CES5A: variants seen among roughly 807,000 people sequenced by gnomAD.
CES5A encodes the protein carboxylesterase 5A.
In CES5A, 67 loss-of-function variants were observed where a neutral mutation model predicts 62.9. The observed-to-expected ratio is 1.07, with a 90% CI of 0.88 to 1.31. The LOEUF is 1.31. Among genes scored for constraint, CES5A ranks in the 50% most tolerant of loss-of-function variants. The pLI is 0.00. For missense variants in CES5A, 748 were observed against 708.5 expected, an observed-to-expected ratio of 1.06 and a Z score of -0.63; for synonymous variants, 296 against 280.8, an observed-to-expected ratio of 1.05 and a Z score of -0.54.
intron 2 of CES5A, among the ~76,000 whole-genome samples, chr16:55,933,656 A>G (rs2034336709): frequency 6.6e-6 from 1 of 152,132 alleles, no homozygotes; most frequent in African/African-American, 2.4e-5. Flanking sequence ...ATACATATAC[A>G]TGACACATAT....
intron 1 of CES5A, among the ~76,000 whole-genome samples, chr16:55,886,398 T>G (rs144677779): frequency 6.6e-6 from 1 of 152,304 alleles, no homozygotes; most frequent in African/African-American, 2.4e-5. Flanking sequence ...TGGGACAGTG[T>G]GTAGATCTTT....
At chr16:55,868,171 G>A (rs190886540) in intron 4 of CES5A, among the ~76,000 whole-genome samples, 3 of 152,288 alleles carry the variant, frequency 2.0e-5, no homozygotes, top group Non-Finnish European at 4.4e-5. Context: ...ATCAAAACCA[G>A]ATACGATAAG....
intron 2 of CES5A, among the ~76,000 whole-genome samples, chr16:55,946,298 A>G (rs1219333663): frequency 6.6e-6 from 1 of 151,978 alleles, no homozygotes; most frequent in East Asian, 1.9e-4. Context: ...TGTAGGTCAA[A>G]CCACATTTCA....
In CES5A at chr16:55,849,679, A is replaced by G; in HGVS notation, c.1368T>C (p.Asp456=). 1.2e-6 allele frequency: 2 copies of G among 1,614,028 alleles called. No homozygotes were observed. The highest frequency in any genetic ancestry group is 2.2e-5 in the South Asian group (2 of 91,080). The change falls in exon 11 of 13, where the codon GAT becomes GAC. Residue 456 remains aspartate (D), a synonymous_variant. Transcript: ENST00000290567. ...CACCACCGAACACAAAGCGGACTTC[A>G]TCAGCGTGGTCGGCTTTGACAAAAG... The part of the protein sequence containing the change: ...KPAFVKADHA[D]EVRFVFGGAF...
At chr16:55,900,382 T>C (rs1381099213) in intron 1 of CES5A, among the ~76,000 whole-genome samples, 9 of 152,132 alleles carry the variant, frequency 5.9e-5, no homozygotes, top group African/African-American at 2.2e-4. Flanking sequence ...CACACAACAT[T>C]GATCAAGACA....
intron 2 of CES5A, among the ~76,000 whole-genome samples, chr16:55,934,841 G>C (rs1164974822): frequency 2.0e-5 from 3 of 152,202 alleles, no homozygotes; most frequent in African/African-American, 4.8e-5. Flanking sequence ...CTAAGCGCAG[G>C]GCCTGAGACG....
chr16:55,902,758 G>A (rs1432138160), intron 1 of CES5A, among the ~76,000 whole-genome samples: 1 of 152,104 alleles, frequency 6.6e-6, no homozygotes, highest in African/African-American at 2.4e-5. Flanking sequence ...GAAGACATGG[G>A]GGGCATCATC....
intron 2 of CES5A, among the ~76,000 whole-genome samples, chr16:55,948,689 C>G (rs1174005877): frequency 6.6e-6 from 1 of 152,084 alleles, no homozygotes; most frequent in Non-Finnish European, 1.5e-5. Flanking sequence ...ATTTTATTTT[C>G]CTTTCACAGT....
chr16:55,866,174 C>G, intron 4 of CES5A, 58 bp from the exon 5 acceptor site: 2 of 1,543,938 alleles, frequency 1.3e-6, no homozygotes, highest in Non-Finnish European at 1.8e-6. Context: ...TTCCCACAGC[C>G]CTGGAAGTTC....
intron 7 of CES5A, among the ~76,000 whole-genome samples, chr16:55,860,624 A>G (rs1315638522): frequency 2.0e-5 from 3 of 152,160 alleles, no homozygotes; most frequent in African/African-American, 7.2e-5. Flanking sequence ...AGTGCCTTGG[A>G]CATGCCTGGA....
Position 55,854,067 on chromosome 16 carries a change from T to G in CES5A, c.1126-1039A>C, listed in dbSNP as rs114858922. Among the ~76,000 whole-genome samples, 263 of 152,276 alleles carry G rather than the reference T, an allele frequency of 1.7e-3. 3 individuals are homozygous for G. The South Asian group carries it at 0.027, about 16-fold the overall frequency. The stretch of plus-strand genomic sequence containing the variant: ...TAAGGGCCTGGCCTCTTTGGCCATA[T>G]AGCCAGCAGACTCCATGGTGCTGGT... On this transcript the variant is annotated intron_variant, in intron 9 of 12. Coordinates refer to ENST00000290567, the MANE Select transcript of CES5A (RefSeq NM_001143685.2).
intron 4 of CES5A, among the ~76,000 whole-genome samples, chr16:55,868,777 T>C (rs1210599871): frequency 3.3e-5 from 5 of 152,210 alleles, no homozygotes; most frequent in Non-Finnish European, 7.3e-5. Flanking sequence ...TCCTGCCATG[T>C]CTTAGACAGG....
chr16:55,905,731 G>C (rs1360547083), intron 1 of CES5A, among the ~76,000 whole-genome samples: 2 of 152,120 alleles, frequency 1.3e-5, no homozygotes, highest in African/African-American at 2.4e-5. Flanking sequence ...GGAAAACACT[G>C]TCCTGGTTCC....
intron 1 of CES5A, among the ~76,000 whole-genome samples, chr16:55,910,577 A>G (rs1051304440): frequency 4.6e-5 from 7 of 152,256 alleles, no homozygotes; most frequent in African/African-American, 1.7e-4. Context: ...AAACTCCGTG[A>G]GTACCACATA....
intron 1 of CES5A, among the ~76,000 whole-genome samples, chr16:55,910,656 T>C (rs1274673145): frequency 1.3e-5 from 2 of 152,312 alleles, no homozygotes; most frequent in East Asian, 3.9e-4. Flanking sequence ...GCAATTAAAT[T>C]AATTAGGGGG....
intron 1 of CES5A, among the ~76,000 whole-genome samples, chr16:55,905,690 C>G (rs568948547): frequency 6.6e-6 from 1 of 152,090 alleles, no homozygotes; most frequent in Non-Finnish European, 1.5e-5. Context: ...GACTCTTCCT[C>G]CCACGCCCAG....
intron 1 of CES5A, among the ~76,000 whole-genome samples, chr16:55,920,496 G>C (rs1465325156): frequency 6.6e-6 from 1 of 152,192 alleles, no homozygotes; most frequent in Non-Finnish European, 1.5e-5. Context: ...TCACACTGCT[G>C]AGGTATCCCC....
intron 1 of CES5A, among the ~76,000 whole-genome samples, chr16:55,900,467 T>C (rs1460741832): frequency 2.0e-5 from 3 of 152,132 alleles, no homozygotes; most frequent in Admixed American, 6.5e-5. Flanking sequence ...CCCCAATGGA[T>C]AAGGAGCCTT....
upstream of CES5A, among the ~76,000 whole-genome samples, chr16:55,928,857 C>T (rs1466527984): frequency 1.3e-5 from 2 of 152,192 alleles, no homozygotes; most frequent in Middle Eastern, 6.3e-3. Context: ...CTGACCTGTC[C>T]TTGTCTTGAC....
Sources: gnomAD v4.1 joint callset for allele counts (sites outside exome capture counted in the v4.1 genomes callset) on GRCh38, gnomAD v4.1.1 for gene constraint, MANE v1.5 for transcripts, NCBI Gene and HGNC (gene_info 2026-07-23, HGNC 2026-07-21) for gene names.